ULK4: variants seen among roughly 807,000 people sequenced by gnomAD.
The protein encoded by ULK4 is unc-51 like kinase 4.
Under a neutral mutation model 160.6 loss-of-function variants are expected in ULK4, and 133 were observed. The observed-to-expected ratio is 0.83, with a 90% CI of 0.72 to 0.96. ULK4 has a LOEUF of 0.96. ULK4 is among the 40% of genes least tolerant of loss of function. The pLI is 0.00. For synonymous variants in ULK4, 534 were observed against 539.8 expected (o/e 0.99, Z 0.15); for missense variants, 1,580 against 1,499.5 (o/e 1.05, Z -0.89).
intron 16 of ULK4, among the ~76,000 whole-genome samples, chr3:41,888,417 A>T (rs1168691614): frequency 6.6e-6 from 1 of 152,244 alleles, no homozygotes; most frequent in Non-Finnish European, 1.5e-5. Flanking sequence ...ATTAAGACTG[A>T]CAGAGAACCA....
chr3:41,929,246 G>A (rs1699495142), intron 5 of ULK4, among the ~76,000 whole-genome samples: 3 of 152,074 alleles, frequency 2.0e-5, no homozygotes, highest in Non-Finnish European at 4.4e-5. Flanking sequence ...AAAACCACAT[G>A]ATTATCTCAA....
intron 17 of ULK4, among the ~76,000 whole-genome samples, chr3:41,864,955 C>T (rs1240490164): frequency 2.6e-5 from 4 of 152,008 alleles, no homozygotes; most frequent in Non-Finnish European, 5.9e-5. Flanking sequence ...ATGCCTCACA[C>T]TCAGAGCCAA....
rs151056900 is a variant in ULK4 at position 41,339,896 on chromosome 3, AT to A, written c.3678+58182del. On this transcript the variant is annotated intron_variant, in intron 35 of 36. Transcript: ENST00000301831. The stretch of plus-strand genomic sequence containing the variant: ...ATGTCTGATGTTTTTCTCAACAGTG[AT>A]TGATATTATTTGCATAAATTTGTAG... Among the ~76,000 whole-genome samples, 864 of 152,308 alleles carry A rather than the reference AT, an allele frequency of 5.7e-3. 8 individuals are homozygous for A. The highest frequency in any genetic ancestry group is 0.02 in the African/African-American group (824 of 41,576).
intron 2 of ULK4, among the ~76,000 whole-genome samples, chr3:41,954,002 T>C (rs1162821026): frequency 1.3e-5 from 2 of 151,476 alleles, no homozygotes; most frequent in Admixed American, 6.6e-5. Flanking sequence ...GCTAACACAG[T>C]GAAACCCCGT....
chr3:41,456,508 C>T (rs2083557256), intron 33 of ULK4, among the ~76,000 whole-genome samples: 1 of 152,088 alleles, frequency 6.6e-6, no homozygotes, highest in Non-Finnish European at 1.5e-5. Context: ...GGTAGATATT[C>T]CTATGAATGT....
chr3:41,367,812 C>T (rs1226196848), intron 35 of ULK4, among the ~76,000 whole-genome samples: 1 of 152,086 alleles, frequency 6.6e-6, no homozygotes, highest in African/African-American at 2.4e-5. Context: ...GAACTTTTCA[C>T]CATTAGGATT....
chr3:41,618,516 G>A (rs1201788810), intron 30 of ULK4, among the ~76,000 whole-genome samples: 2 of 152,112 alleles, frequency 1.3e-5, no homozygotes, highest in African/African-American at 4.8e-5. Context: ...TTCATATGCA[G>A]CCAAACTAAG....
chr3:41,750,249 A>G (rs2038570987), intron 22 of ULK4, among the ~76,000 whole-genome samples: 1 of 152,224 alleles, frequency 6.6e-6, no homozygotes, highest in Admixed American at 6.5e-5. Context: ...AGACAAGGTA[A>G]CAACATTCAT....
At chr3:41,770,857 A>C (rs1184706375) in intron 21 of ULK4, among the ~76,000 whole-genome samples, 1 of 152,168 alleles carries the variant, frequency 6.6e-6, no homozygotes, top group Non-Finnish European at 1.5e-5. Flanking sequence ...TAAAGGAGAG[A>C]GCCTCATAGA....
At chr3:41,277,728 G>C (rs1231057528) in intron 35 of ULK4, 1 of 152,162 alleles carries the variant, frequency 6.6e-6, no homozygotes, top group Non-Finnish European at 1.5e-5. Context: ...CTTCAGCATA[G>C]TACTGGAAAT....
chr3:41,652,630 C>T (rs1170357577), intron 30 of ULK4, among the ~76,000 whole-genome samples: 1 of 152,170 alleles, frequency 6.6e-6, no homozygotes, highest in East Asian at 1.9e-4. Context: ...CCAAGAGCAA[C>T]GCAGTAGTGA....
intron 21 of ULK4, among the ~76,000 whole-genome samples, chr3:41,754,782 A>G (rs1361035221): frequency 6.6e-6 from 1 of 152,240 alleles, no homozygotes; most frequent in Non-Finnish European, 1.5e-5. Flanking sequence ...AATCCAGGCC[A>G]GTTGAATGAC....
At position 41,463,164 on chromosome 3, in the gene ULK4, G is replaced by C. The variant is rs1461995321; in HGVS notation, c.3316C>G (p.Pro1106Ala). Residue 1106 changes from proline to alanine, a missense_variant, in exon 33 of 37, where the codon CCA (proline) becomes GCA (alanine). Physicochemically the swap from Pro to Ala is conservative, Grantham distance 27. Transcript: ENST00000301831. ...DNKNNNEMAA[P>A]LLFSLLDILH... Reference sequence around the variant, plus strand: ...ATATCAAGCAGGGAAAAGAGCAGTGGAGCTGCCATCTCATTGTTGTTTTTA... The same window carrying C: ...ATATCAAGCAGGGAAAAGAGCAGTGCAGCTGCCATCTCATTGTTGTTTTTA... The C allele has an allele frequency of 7.4e-6, 12 of 1,613,758 alleles. No individual in the cohort carries two copies. The highest frequency in any genetic ancestry group is 1.0e-5 in the Non-Finnish European group (12 of 1,179,780).
chr3:41,670,947 G>C (rs1406562974), intron 29 of ULK4, among the ~76,000 whole-genome samples: 1 of 152,032 alleles, frequency 6.6e-6, no homozygotes, highest in Non-Finnish European at 1.5e-5. Flanking sequence ...GTAACCCAAA[G>C]AGGGAGATCA....
At chr3:41,918,600 T>C (rs1025748390) in intron 6 of ULK4, 60 bp from the exon 7 acceptor site, 1 of 657,634 alleles carries the variant, frequency 1.5e-6, no homozygotes, top group Non-Finnish European at 2.2e-6. Context: ...TAATTCTTTT[T>C]TTTTTTTTTT....
chr3:41,315,614 T>G (rs1364524399), intron 35 of ULK4, among the ~76,000 whole-genome samples: 2 of 152,176 alleles, frequency 1.3e-5, no homozygotes, highest in Non-Finnish European at 2.9e-5. Flanking sequence ...ACCACAGGCC[T>G]CTCCATCCCT....
chr3:41,446,685 C>A (rs7373832), intron 34 of ULK4, among the ~76,000 whole-genome samples: 75,672 of 139,548 alleles, frequency 0.54, 20,372 homozygotes, highest in East Asian at 0.69. Context: ...AATGAGAACA[C>A]ATGGACACAG....
chr3:41,668,605 T>A (rs1172325102), intron 29 of ULK4, among the ~76,000 whole-genome samples: 1 of 152,194 alleles, frequency 6.6e-6, no homozygotes, highest in Non-Finnish European at 1.5e-5. Flanking sequence ...ATGATAAAAC[T>A]GCCTAATGAT....
At chr3:41,441,890 A>T (rs2083178887) in intron 34 of ULK4, among the ~76,000 whole-genome samples, 1 of 152,076 alleles carries the variant, frequency 6.6e-6, no homozygotes, top group African/African-American at 2.4e-5. Flanking sequence ...GGTCTATTTG[A>T]TTGACTATCG....
Sources: gnomAD v4.1 joint callset for allele counts (sites outside exome capture counted in the v4.1 genomes callset) on GRCh38, gnomAD v4.1.1 for gene constraint, MANE v1.5 for transcripts, NCBI Gene and HGNC (gene_info 2026-07-23, HGNC 2026-07-21) for gene names.